Variants in C1QTNF3 observed in about 807,000 individuals in gnomAD.
C1QTNF3 encodes complement C1q tumor necrosis factor-related protein 3.
A neutral mutation model predicts 32.6 loss-of-function variants in C1QTNF3; 26 were observed. That is an observed-to-expected ratio of 0.80 (90% confidence interval 0.58 to 1.11). C1QTNF3 has a LOEUF of 1.11. Among genes scored for constraint, C1QTNF3 ranks in the 50% least tolerant of loss-of-function variants. The pLI, the probability that C1QTNF3 is intolerant of heterozygous loss-of-function variation, is 0.00. For missense variants in C1QTNF3, 362 were observed against 398.2 expected, an observed-to-expected ratio of 0.91 and a Z score of 0.77; for synonymous variants, 155 against 146.0, an observed-to-expected ratio of 1.06 and a Z score of -0.44.
At chr5:34,124,549 T>C in the C1QTNF3 span, 2 of 662,028 alleles carry the variant, frequency 3.0e-6, no homozygotes, top group Non-Finnish European at 5.6e-6. Flanking sequence ...TGAGATCTTG[T>C]GAGAATTCAC....
the C1QTNF3 span, among the ~76,000 whole-genome samples, chr5:34,120,711 G>A: frequency 6.6e-6 from 1 of 152,134 alleles, no homozygotes; most frequent in Non-Finnish European, 1.5e-5. Flanking sequence ...TTTGTCTAAC[G>A]CCATGTGAGA....
the C1QTNF3 span, among the ~76,000 whole-genome samples, chr5:34,177,183 T>C: frequency 6.6e-6 from 1 of 152,158 alleles, no homozygotes; most frequent in Non-Finnish European, 1.5e-5. Context: ...AGTGAGGCTG[T>C]CTCAAAAAAA....
At chr5:34,206,177 TCTC>T in the C1QTNF3 span, among the ~76,000 whole-genome samples, 2 of 149,326 alleles carry the variant, frequency 1.3e-5, no homozygotes, top group African/African-American at 4.9e-5. Flanking sequence ...AAGAGGTAAA[TCTC>T]CTCTGCAAAT....
At chr5:34,243,736 T>G in the C1QTNF3 span, among the ~76,000 whole-genome samples, 1 of 151,762 alleles carries the variant, frequency 6.6e-6, no homozygotes, top group African/African-American at 2.4e-5. Context: ...TACCACACAT[T>G]CTCACTTATA....
the C1QTNF3 span, among the ~76,000 whole-genome samples, chr5:34,196,238 C>T: frequency 2.6e-5 from 4 of 152,404 alleles, no homozygotes; most frequent in South Asian, 2.1e-4. Flanking sequence ...CCTCCGCCTC[C>T]CAGGTTCAAG....
At chr5:34,029,753 G>A (rs1342668806) in intron 3 of C1QTNF3, among the ~76,000 whole-genome samples, 1 of 152,070 alleles carries the variant, frequency 6.6e-6, no homozygotes, top group Non-Finnish European at 1.5e-5. Flanking sequence ...AAGTTAGCAT[G>A]TATTAATTTT....
chr5:34,137,731 G>T, the C1QTNF3 span, among the ~76,000 whole-genome samples: 1 of 152,190 alleles, frequency 6.6e-6, no homozygotes. Flanking sequence ...CATACAGGAA[G>T]AAGTAAATTA....
rs769725704 is a variant in C1QTNF3 at position 34,035,670 on chromosome 5, G to T, written c.392C>A (p.Pro131Gln). The T allele has an allele frequency of 3.1e-6, 5 of 1,610,292 alleles. No homozygotes were observed. The South Asian group carries it at 5.5e-5, about 18-fold the overall frequency. ...SFRGYQGPPGPPGPPGIPGNH... is the reference protein window; with the variant it reads ...SFRGYQGPPGQPGPPGIPGNH... Reference sequence around the variant, plus strand: ...ACCTGGAATGCCAGGAGGGCCCGGTGGCCCAGGGGGGCCTTGGTAGCCTCG... The same window carrying T: ...ACCTGGAATGCCAGGAGGGCCCGGTTGCCCAGGGGGGCCTTGGTAGCCTCG... Residue 131 changes from proline to glutamine, a missense_variant, in exon 2 of 6, where the codon CCA becomes CAA. By Grantham distance (76) the Pro-to-Gln change is moderately conservative. Transcript: ENST00000382065.
In C1QTNF3 at chr5:34,042,920, T is replaced by A; in HGVS notation, c.206A>T (p.Asp69Val). The stretch of plus-strand genomic sequence containing the variant: ...TTTTAGGTCTGTAGAAGTGTTATTA[T>A]CCACAGTCCCAGTTTTAGGATGGCT... Reference protein sequence around the residue: ...ERSHPKTGTVDNNTSTDLKSL... With the variant: ...ERSHPKTGTVVNNTSTDLKSL... The change falls in exon 1 of 6, where the codon GAT becomes GTT. Residue 69 changes from aspartate to valine, a missense_variant. Coordinates refer to ENST00000382065, the MANE Select transcript of C1QTNF3 (RefSeq NM_181435.6). The A allele has an allele frequency of 1.2e-6, 2 of 1,614,182 alleles. No individual in the cohort carries two copies. The highest frequency in any genetic ancestry group is 1.7e-6 in the Non-Finnish European group (2 of 1,180,026).
chr5:34,101,416 A>G, the C1QTNF3 span, among the ~76,000 whole-genome samples: 1 of 152,254 alleles, frequency 6.6e-6, no homozygotes, highest in Non-Finnish European at 1.5e-5. Flanking sequence ...TGTGAGAACA[A>G]GCAAAATAAT....
At chr5:34,163,356 A>C in the C1QTNF3 span, among the ~76,000 whole-genome samples, 1 of 152,124 alleles carries the variant, frequency 6.6e-6, no homozygotes, top group African/African-American at 2.4e-5. Context: ...AAAAAGATTG[A>C]TTCCAACATT....
chr5:34,049,791 C>G, the C1QTNF3 span, among the ~76,000 whole-genome samples: 1 of 152,224 alleles, frequency 6.6e-6, no homozygotes, highest in Non-Finnish European at 1.5e-5. Flanking sequence ...AGTCTGGAGG[C>G]AGAATTGTTT....
chr5:34,130,326 T>C, the C1QTNF3 span, among the ~76,000 whole-genome samples: 4 of 152,106 alleles, frequency 2.6e-5, no homozygotes, highest in Non-Finnish European at 5.9e-5. Context: ...TGTAGGCCAT[T>C]GCACTTTCAA....
At chr5:34,056,471 T>TAGAG in the C1QTNF3 span, among the ~76,000 whole-genome samples, 1 of 110,114 alleles carries the variant, frequency 9.1e-6, no homozygotes, top group Admixed American at 9.9e-5. Flanking sequence ...TATATATATA[T>TAGAG]ATATATATAG....
chr5:34,035,989 C>G (rs959156350), intron 1 of C1QTNF3, among the ~76,000 whole-genome samples: 3 of 132,032 alleles, frequency 2.3e-5, no homozygotes, highest in African/African-American at 8.7e-5. Context: ...GGAAGATGCT[C>G]TTTGAAAAGC....
chr5:34,206,704 C>A, the C1QTNF3 span, among the ~76,000 whole-genome samples: 1 of 146,042 alleles, frequency 6.8e-6, no homozygotes, highest in Non-Finnish European at 1.5e-5. Context: ...TGGGCCTGAT[C>A]AGATAAAACC....
chr5:34,026,527 G>T (rs1257190553), intron 4 of C1QTNF3, among the ~76,000 whole-genome samples: 2 of 151,490 alleles, frequency 1.3e-5, no homozygotes, highest in Non-Finnish European at 2.9e-5. Flanking sequence ...AGGGAACCAG[G>T]AAGTATAAGG....
intron 4 of C1QTNF3, chr5:34,024,370 G>C (rs1190084918): frequency 5.2e-6 from 1 of 192,670 alleles, no homozygotes; most frequent in Non-Finnish European, 1.1e-5. Context: ...GTGTTACCAA[G>C]GTGCAGAGAT....
chr5:34,239,712 G>A, the C1QTNF3 span, among the ~76,000 whole-genome samples: 4 of 152,234 alleles, frequency 2.6e-5, no homozygotes, highest in Admixed American at 2.0e-4. Flanking sequence ...ACCCCCGCTG[G>A]CAGCATTGGA....
Sources: allele counts gnomAD v4.1 joint callset (sites outside exome capture counted in the v4.1 genomes callset), GRCh38; gene constraint gnomAD v4.1.1; transcripts MANE v1.5; gene names NCBI Gene and HGNC (gene_info 2026-07-23, HGNC 2026-07-21).